The following RBFOX1 variants were observed in gnomAD, a reference collection of about 807,000 sequenced individuals.
RBFOX1 encodes RNA binding protein fox-1 homolog 1.
In RBFOX1, 8 loss-of-function variants were observed where a neutral mutation model predicts 57.7. The observed-to-expected ratio is 0.14, with a 90% CI of 0.08 to 0.25. The LOEUF is 0.25. RBFOX1 is among the 10% of genes least tolerant of loss of function. RBFOX1 has a pLI of 1.00. For synonymous variants in RBFOX1, 326 were observed against 222.4 expected (o/e 1.47, Z -4.15); for missense variants, 611 against 548.5 (o/e 1.11, Z -1.14).
chr16:7,538,703 A>G (rs1038849291), intron 5 of RBFOX1, among the ~76,000 whole-genome samples: 11 of 152,208 alleles, frequency 7.2e-5, no homozygotes, highest in Non-Finnish European at 1.2e-4. Context: ...TTTACTTACA[A>G]TTCTATGCTT....
chr16:6,712,573 C>A (rs1484775860), intron 3 of RBFOX1, among the ~76,000 whole-genome samples: 1 of 152,122 alleles, frequency 6.6e-6, no homozygotes, highest in Non-Finnish European at 1.5e-5. Flanking sequence ...AAGCTTCAGT[C>A]CAATGTCATC....
intron 4 of RBFOX1, among the ~76,000 whole-genome samples, chr16:5,917,462 C>G (rs561861866): frequency 2.1e-3 from 323 of 152,278 alleles, no homozygotes; most frequent in African/African-American, 7.5e-3. Context: ...GTAATTTTCT[C>G]AAGATAATCT....
intron 3 of RBFOX1, among the ~76,000 whole-genome samples, chr16:5,733,884 C>T (rs1221789518): frequency 6.6e-6 from 1 of 152,024 alleles, no homozygotes; most frequent in Non-Finnish European, 1.5e-5. Context: ...TTTCTCTCTC[C>T]AAGGCTGCTG....
intron 4 of RBFOX1, among the ~76,000 whole-genome samples, chr16:5,867,903 G>C (rs1191162216): frequency 1.3e-5 from 2 of 151,960 alleles, no homozygotes; most frequent in African/African-American, 4.8e-5. Flanking sequence ...GTAGAGACAG[G>C]GTTTCACCAT....
chr16:5,801,623 A>G (rs74004606), intron 3 of RBFOX1, among the ~76,000 whole-genome samples: 1 of 152,156 alleles, frequency 6.6e-6, no homozygotes, highest in Non-Finnish European at 1.5e-5. Context: ...GGCACACACA[A>G]AAAAATACCA....
chr16:7,546,156 G>A (rs1404271053), intron 5 of RBFOX1, among the ~76,000 whole-genome samples: 3 of 151,692 alleles, frequency 2.0e-5, no homozygotes, highest in Non-Finnish European at 4.4e-5. Flanking sequence ...GTGAAACCCT[G>A]TCTCTACTAA....
At chr16:7,509,107 A>T (rs2074268493) in intron 4 of RBFOX1, among the ~76,000 whole-genome samples, 1 of 152,202 alleles carries the variant, frequency 6.6e-6, no homozygotes, top group African/African-American at 2.4e-5. Flanking sequence ...TTTTTGTATG[A>T]GTTCTTGTTT....
chr16:6,814,731 C>G (rs977808615), intron 3 of RBFOX1, among the ~76,000 whole-genome samples: 8 of 151,988 alleles, frequency 5.3e-5, no homozygotes, highest in African/African-American at 9.7e-5. Flanking sequence ...AGTGAAAAGT[C>G]CTTCAGTCTG....
intron 3 of RBFOX1, among the ~76,000 whole-genome samples, chr16:6,846,220 A>G (rs966526804): frequency 3.0e-4 from 45 of 152,170 alleles, no homozygotes; most frequent in Admixed American, 2.0e-4. Flanking sequence ...GGGTGTGTGC[A>G]TGTTTTCAGT....
chr16:5,389,581 A>G (rs1229339986), intron 1 of RBFOX1, among the ~76,000 whole-genome samples: 1 of 152,052 alleles, frequency 6.6e-6, no homozygotes, highest in Non-Finnish European at 1.5e-5. Flanking sequence ...TCCTTTGGGC[A>G]TTCCCTTCTT....
At position 5,927,667 on chromosome 16, in the gene RBFOX1, T is replaced by C. The variant is rs1022939331; in HGVS notation, c.351+60332T>C. Among the ~76,000 whole-genome samples, 6 of 152,220 alleles carry C rather than the reference T, an allele frequency of 3.9e-5. No homozygotes were observed. In the East Asian group the frequency reaches 1.2e-3, roughly 29 times the overall value. On this transcript the variant is annotated intron_variant, in intron 4 of 19. Transcript: ENST00000641259. ...CAGTCTCATGTTCATTGCAGCACTATTCACAACAGTCAAAATGTGGAATCA... is the reference window on the plus strand; with the variant it reads ...CAGTCTCATGTTCATTGCAGCACTACTCACAACAGTCAAAATGTGGAATCA...
chr16:5,316,693 A>C (rs923526956), intron 1 of RBFOX1, among the ~76,000 whole-genome samples: 5 of 152,218 alleles, frequency 3.3e-5, no homozygotes, highest in African/African-American at 4.8e-5. Context: ...CTGGTGAAGC[A>C]CTTTGTATTC....
chr16:7,134,699 CTG>C (rs1407379388), intron 4 of RBFOX1, among the ~76,000 whole-genome samples: 1 of 152,204 alleles, frequency 6.6e-6, no homozygotes, highest in Non-Finnish European at 1.5e-5. Context: ...GAAATCCTGA[CTG>C]TGAAAACTAC....
At chr16:7,033,966 C>G (rs890945850) in intron 3 of RBFOX1, among the ~76,000 whole-genome samples, 2 of 152,106 alleles carry the variant, frequency 1.3e-5, no homozygotes, top group Admixed American at 6.5e-5. Context: ...AAGACCCTGT[C>G]TAAAATGTCT....
At chr16:6,619,522 G>C (rs1015039188) in intron 2 of RBFOX1, among the ~76,000 whole-genome samples, 2 of 151,932 alleles carry the variant, frequency 1.3e-5, no homozygotes, top group African/African-American at 4.8e-5. Context: ...GTTAGGAGAG[G>C]ACTGTAAACT....
At chr16:5,279,401 C>T (rs923614774) in intron 1 of RBFOX1, among the ~76,000 whole-genome samples, 1 of 151,560 alleles carries the variant, frequency 6.6e-6, no homozygotes, top group Non-Finnish European at 1.5e-5. Flanking sequence ...TCTTTTTTAG[C>T]TAGTTTGTTA....
intron 4 of RBFOX1, among the ~76,000 whole-genome samples, chr16:7,433,575 G>T (rs147383181): frequency 1.5e-4 from 23 of 152,290 alleles, no homozygotes; most frequent in Non-Finnish European, 2.6e-4. Context: ...AGTCTTAAGG[G>T]GTTCATGTCA....
chr16:6,163,312 T>C (rs2096893133), intron 1 of RBFOX1, among the ~76,000 whole-genome samples: 2 of 152,188 alleles, frequency 1.3e-5, no homozygotes, highest in Admixed American at 1.3e-4. Flanking sequence ...GCACTTATTT[T>C]TTGAGAAATG....
chr16:6,367,142 A>T (rs2089753456), intron 2 of RBFOX1, among the ~76,000 whole-genome samples: 2 of 152,238 alleles, frequency 1.3e-5, no homozygotes, highest in African/African-American at 2.4e-5. Context: ...GGCAAAATGA[A>T]TAAAGTGAGA....
Sources: allele counts gnomAD v4.1 joint callset (sites outside exome capture counted in the v4.1 genomes callset), GRCh38; gene constraint gnomAD v4.1.1; transcripts MANE v1.5; gene names NCBI Gene and HGNC (gene_info 2026-07-23, HGNC 2026-07-21).